ERBB4: variants seen among roughly 807,000 people sequenced by gnomAD.
ERBB4 encodes the protein erb-b2 receptor tyrosine kinase 4.
In ERBB4, 42 loss-of-function variants were observed where a neutral mutation model predicts 158.0. The observed-to-expected ratio is 0.27, with a 90% CI of 0.21 to 0.34. The LOEUF is 0.34. ERBB4 is among the 10% of genes least tolerant of loss of function. ERBB4 has a pLI of 1.00. For synonymous variants in ERBB4, 583 were observed against 558.7 expected (o/e 1.04, Z -0.61); for missense variants, 1,333 against 1,624.1 (o/e 0.82, Z 3.08).
At chr2:212,307,551 C>T (rs12468487) in intron 1 of ERBB4, among the ~76,000 whole-genome samples, 20,595 of 150,692 alleles carry the variant, frequency 0.14, 1,482 homozygotes, top group South Asian at 0.23. Context: ...AATGCATTTT[C>T]GCACAGTTTT....
intron 20 of ERBB4, among the ~76,000 whole-genome samples, chr2:211,524,752 C>T (rs555730437): frequency 2.0e-5 from 3 of 152,294 alleles, no homozygotes; most frequent in East Asian, 1.9e-4. Flanking sequence ...GCCATTTGCA[C>T]CTCTCCCTCC....
intron 1 of ERBB4, among the ~76,000 whole-genome samples, chr2:212,342,207 A>C (rs952261628): frequency 4.6e-5 from 7 of 152,178 alleles, no homozygotes; most frequent in African/African-American, 7.2e-5. Flanking sequence ...TCACAAATTT[A>C]ATACAAGCAA....
intron 1 of ERBB4, among the ~76,000 whole-genome samples, chr2:212,492,723 G>C (rs2106206088): frequency 6.6e-6 from 1 of 151,490 alleles, no homozygotes; most frequent in Non-Finnish European, 1.5e-5. Flanking sequence ...TTTAGCACTA[G>C]ACCTATAATT....
intron 20 of ERBB4, among the ~76,000 whole-genome samples, chr2:211,492,372 T>C (rs1457440496): frequency 1.3e-5 from 2 of 152,156 alleles, no homozygotes; most frequent in African/African-American, 4.8e-5. Flanking sequence ...GATGAAGTAC[T>C]GCATTTATAA....
At chr2:212,209,890 C>A (rs2082878325) in intron 1 of ERBB4, among the ~76,000 whole-genome samples, 1 of 151,946 alleles carries the variant, frequency 6.6e-6, no homozygotes, top group African/African-American at 2.4e-5. Context: ...GAAAAGACAC[C>A]CTTTCCTCAT....
At chr2:211,937,597 A>C (rs114606272) in intron 3 of ERBB4, among the ~76,000 whole-genome samples, 1 of 152,140 alleles carries the variant, frequency 6.6e-6, no homozygotes, top group Non-Finnish European at 1.5e-5. Context: ...TGAAACTCAC[A>C]ATCATGGGAG....
At chr2:211,783,920 A>T (rs181517019) in intron 4 of ERBB4, among the ~76,000 whole-genome samples, 79 of 152,122 alleles carry the variant, frequency 5.2e-4, no homozygotes, top group African/African-American at 1.8e-3. Context: ...TTTTCTCTTG[A>T]TTGGAATAGT....
intron 19 of ERBB4, among the ~76,000 whole-genome samples, chr2:211,586,059 A>C (rs2068266255): frequency 6.6e-6 from 1 of 152,162 alleles, no homozygotes; most frequent in African/African-American, 2.4e-5. Context: ...CTTCCTATCA[A>C]ATGTGATGAA....
rs944585262 is a variant in ERBB4 at position 212,263,516 on chromosome 2, C to T, written c.83-138613G>A. On this transcript the variant is annotated intron_variant, in intron 1 of 27. Transcript: ENST00000342788. ...TATGCACCAAATTGCGTTTTTGCAG[C>T]CCCTGTAGAGCAAATACTGTGTTAA... is the stretch of plus-strand genomic sequence containing the variant. 7.9e-5 allele frequency among the ~76,000 whole-genome samples: 12 copies of T among 152,076 alleles called. No homozygotes were observed. The East Asian group carries it at 2.1e-3, about 27-fold the overall frequency.
chr2:211,749,080 T>A (rs2075054399), intron 5 of ERBB4, among the ~76,000 whole-genome samples: 1 of 152,252 alleles, frequency 6.6e-6, no homozygotes, highest in Non-Finnish European at 1.5e-5. Context: ...TTAATTTAAA[T>A]CTACACTGAC....
chr2:212,104,417 A>G (rs868347105), intron 2 of ERBB4, among the ~76,000 whole-genome samples: 1 of 152,130 alleles, frequency 6.6e-6, no homozygotes, highest in Non-Finnish European at 1.5e-5. Context: ...AAAAATTTAA[A>G]TTAAATTAGA....
At chr2:212,176,855 T>C (rs2081679271) in intron 1 of ERBB4, among the ~76,000 whole-genome samples, 1 of 151,958 alleles carries the variant, frequency 6.6e-6, no homozygotes, top group Non-Finnish European at 1.5e-5. Flanking sequence ...CCATCTGCTT[T>C]GCTCAGCATT....
intron 2 of ERBB4, among the ~76,000 whole-genome samples, chr2:212,018,063 A>G (rs935923015): frequency 7.2e-5 from 11 of 152,206 alleles, no homozygotes; most frequent in African/African-American, 2.7e-4. Context: ...CTAAAGAAAT[A>G]TGGCTAAACT....
chr2:212,095,971 GGTAA>G (rs2078921643), intron 2 of ERBB4, among the ~76,000 whole-genome samples: 1 of 147,566 alleles, frequency 6.8e-6, no homozygotes, highest in African/African-American at 2.5e-5. Flanking sequence ...AAAGAAAGAA[GGTAA>G]GTTTTATATA....
At chr2:211,889,315 C>G (rs1448422590) in intron 3 of ERBB4, among the ~76,000 whole-genome samples, 1 of 145,324 alleles carries the variant, frequency 6.9e-6, no homozygotes, top group Non-Finnish European at 1.5e-5. Flanking sequence ...GCAGGGTATT[C>G]CAACAGACCT....
chr2:211,765,242 G>A (rs1440040589), intron 4 of ERBB4, among the ~76,000 whole-genome samples: 1 of 152,056 alleles, frequency 6.6e-6, no homozygotes, highest in Non-Finnish European at 1.5e-5. Context: ...CAGACACTAG[G>A]CTACCTTTCA....
At position 211,657,819 on chromosome 2, in the gene ERBB4, A is replaced by G. The variant is rs1357167493; in HGVS notation, c.1881T>C (p.Gly627=). ...AGTAAATGCAGTCATGACTAGTGGG[A>G]CCGTTACACCTGCAGGCAATTACAG... The part of the protein sequence containing the change: ...CHPNCTQGCN[G]PTSHDCIYYP... Residue 627 remains glycine, a synonymous_variant, in exon 16 of 28, where the codon GGT becomes GGC. Transcript: ENST00000342788. 3 of 1,613,748 alleles carry G rather than the reference A, an allele frequency of 1.9e-6. No individual in the cohort carries two copies. The highest frequency in any genetic ancestry group is 2.5e-6 in the Non-Finnish European group (3 of 1,179,790).
chr2:212,216,615 A>C (rs1443244966), intron 1 of ERBB4, among the ~76,000 whole-genome samples: 1 of 151,332 alleles, frequency 6.6e-6, no homozygotes, highest in Non-Finnish European at 1.5e-5. Flanking sequence ...AAGTAATTGA[A>C]TATACACAAA....
intron 19 of ERBB4, among the ~76,000 whole-genome samples, chr2:211,581,218 G>T (rs2068094237): frequency 6.6e-6 from 1 of 151,350 alleles, no homozygotes; most frequent in Non-Finnish European, 1.5e-5. Flanking sequence ...CACCACTAAA[G>T]AACTTACTCA....
Sources: allele counts gnomAD v4.1 joint callset (sites outside exome capture counted in the v4.1 genomes callset), GRCh38; gene constraint gnomAD v4.1.1; transcripts MANE v1.5; gene names NCBI Gene and HGNC (gene_info 2026-07-23, HGNC 2026-07-21).